Variants in TACC1 observed in about 807,000 individuals in gnomAD.
TACC1 encodes the protein transforming acidic coiled-coil-containing protein 1.
In TACC1, 48 loss-of-function variants were observed where a neutral mutation model predicts 84.4. The observed-to-expected ratio is 0.57, with a 90% CI of 0.45 to 0.72. The LOEUF is 0.72. TACC1 is among the 30% of genes least tolerant of loss of function. TACC1 has a pLI of 0.00. For missense variants in TACC1, 920 were observed against 973.0 expected, an observed-to-expected ratio of 0.95 and a Z score of 0.72; for synonymous variants, 372 against 376.3, an observed-to-expected ratio of 0.99 and a Z score of 0.13.
intron 2 of TACC1, among the ~76,000 whole-genome samples, chr8:38,796,433 A>G (rs1333556989): frequency 1.3e-5 from 2 of 152,242 alleles, no homozygotes; most frequent in African/African-American, 4.8e-5. Flanking sequence ...GGGGGAAAGC[A>G]TCGTCTTAAG....
At chr8:38,769,333 A>G (rs1394976306) in intron 3 of TACC1, among the ~76,000 whole-genome samples, 1 of 103,314 alleles carries the variant, frequency 9.7e-6, no homozygotes, top group Non-Finnish European at 1.9e-5. Flanking sequence ...GTATGTGTGT[A>G]ACTAGGTGTG....
intron 6 of TACC1, among the ~76,000 whole-genome samples, chr8:38,835,069 C>T (rs531852329): frequency 2.3e-4 from 35 of 152,128 alleles, no homozygotes; most frequent in South Asian, 6.2e-4. Context: ...CTGGCTAACA[C>T]GGTGAAACCC....
intron 2 of TACC1, among the ~76,000 whole-genome samples, chr8:38,796,166 A>G (rs559944028): frequency 3.9e-5 from 6 of 152,198 alleles, no homozygotes; most frequent in Admixed American, 3.3e-4. Context: ...TTTTATGACC[A>G]TGATTCTGCG....
intron 1 of TACC1, among the ~76,000 whole-genome samples, chr8:38,730,993 T>C (rs1347693606): frequency 1.3e-5 from 2 of 150,884 alleles, no homozygotes; most frequent in African/African-American, 5.0e-5. Flanking sequence ...ACAGTCCTAG[T>C]TCTAGCTCAC....
chr8:38,814,562 A>G (rs1211168679), intron 2 of TACC1, among the ~76,000 whole-genome samples: 2 of 152,212 alleles, frequency 1.3e-5, no homozygotes, highest in African/African-American at 2.4e-5. Flanking sequence ...TATACCATCT[A>G]GGTTTGTGTC....
rs1325114972 is a variant in TACC1, at chr8:38,849,104, T to C, written c.*1081T>C. ...TGAAGAAATGTTTTTTTCCCAAGTG[T>C]GATGCATTGTTCTTCAGATGTTGAA... On this transcript the variant is annotated 3_prime_UTR_variant, in exon 13 of 13. Coordinates refer to ENST00000317827, the MANE Select transcript of TACC1 (RefSeq NM_006283.3). 1.3e-5 allele frequency: 2 copies of C among 152,174 alleles called. No homozygotes were observed. Among genetic ancestry groups the C allele is most frequent in the South Asian group, 2.1e-4 (1 of 4,830 alleles). The allele number at this position is 152,174 out of a possible 1,614,324, so 9.4% of individuals were successfully genotyped here.
rs559243217 is a variant in TACC1 at position 38,817,588 on chromosome 8, G to A, written c.278-1934G>A. 1.7e-4 allele frequency among the ~76,000 whole-genome samples: 26 copies of A among 152,076 alleles called. 1 individual carries two copies. The highest frequency in any genetic ancestry group is 2.8e-4 in the Non-Finnish European group (19 of 68,010). ...TTTTTAAAAAATCCTTTTGAAATAT[G>A]TTAAACCAAATTCTGATTATGAAGC... On this transcript the variant is annotated intron_variant, in intron 2 of 12. Coordinates refer to ENST00000317827, the MANE Select transcript of TACC1 (RefSeq NM_006283.3).
chr8:38,759,380 A>G (rs1810758201), intron 3 of TACC1, among the ~76,000 whole-genome samples: 1 of 152,244 alleles, frequency 6.6e-6, no homozygotes, highest in Non-Finnish European at 1.5e-5. Flanking sequence ...TGTGTGGCCA[A>G]GTTTACTGTG....
intron 3 of TACC1, chr8:38,824,118 T>G: frequency 9.9e-6 from 10 of 1,011,774 alleles, no homozygotes; most frequent in Non-Finnish European, 1.3e-5. Context: ...TGTTTGCTTC[T>G]AATTCTGAGT....
intron 2 of TACC1, among the ~76,000 whole-genome samples, chr8:38,789,117 A>G (rs984717387): frequency 6.6e-6 from 1 of 152,212 alleles, no homozygotes; most frequent in Admixed American, 6.5e-5. Context: ...TCATGTTTAT[A>G]TTTGACTTCA....
At chr8:38,737,914 A>T (rs1394344424) in intron 1 of TACC1, among the ~76,000 whole-genome samples, 2 of 151,740 alleles carry the variant, frequency 1.3e-5, no homozygotes, top group African/African-American at 4.8e-5. Context: ...TTTAGTAGAG[A>T]TGGGGTTTCT....
At chr8:38,760,871 C>G (rs183638836) in intron 3 of TACC1, among the ~76,000 whole-genome samples, 141 of 152,236 alleles carry the variant, frequency 9.3e-4, no homozygotes, top group Non-Finnish European at 1.5e-3. Flanking sequence ...ATGGCCAGCA[C>G]TTAGTGAGTG....
chr8:38,739,679 A>G (rs537221125), intron 1 of TACC1, among the ~76,000 whole-genome samples: 14 of 152,330 alleles, frequency 9.2e-5, no homozygotes, highest in East Asian at 3.9e-4. Flanking sequence ...GTAAAGTTCT[A>G]TGTGTTTTGA....
chr8:38,747,395 C>T (rs1808272004), intron 3 of TACC1, among the ~76,000 whole-genome samples: 1 of 152,152 alleles, frequency 6.6e-6, no homozygotes, highest in South Asian at 2.1e-4. Flanking sequence ...CACACAAAAC[C>T]CTGCACATGG....
At chr8:38,821,148 T>A (rs1826702931) in intron 3 of TACC1, among the ~76,000 whole-genome samples, 1 of 151,300 alleles carries the variant, frequency 6.6e-6, no homozygotes, top group East Asian at 1.9e-4. Flanking sequence ...GAGGTTGCAG[T>A]GAGCCGAGAT....
intron 2 of TACC1, among the ~76,000 whole-genome samples, chr8:38,817,647 ATAGT>A (rs1227564373): frequency 6.6e-6 from 1 of 152,128 alleles, no homozygotes; most frequent in Non-Finnish European, 1.5e-5. Context: ...AGTATTAATA[ATAGT>A]TAAACATATA....
At chr8:38,783,790 TA>T (rs1816616781), upstream of TACC1, among the ~76,000 whole-genome samples, 1 of 152,272 alleles carries the variant, frequency 6.6e-6, no homozygotes, top group Non-Finnish European at 1.5e-5. Context: ...CTTCTCTTTA[TA>T]ATTTTCTGTA....
At chr8:38,827,102 G>A in intron 4 of TACC1, 66 bp from the exon 5 acceptor site, 3 of 1,413,426 alleles carry the variant, frequency 2.1e-6, no homozygotes, top group Non-Finnish European at 3.0e-6. Context: ...TTCCATTCAT[G>A]GGATGTCACT....
At chr8:38,782,779 T>C (rs115196049), upstream of TACC1, among the ~76,000 whole-genome samples, 4,527 of 152,280 alleles carry the variant, frequency 0.03, 217 homozygotes, top group African/African-American at 0.1. Context: ...AGTGGAGCTT[T>C]GTGTTTGTTT....
Sources: allele counts gnomAD v4.1 joint callset (sites outside exome capture counted in the v4.1 genomes callset), GRCh38; gene constraint gnomAD v4.1.1; transcripts MANE v1.5; gene names NCBI Gene and HGNC (gene_info 2026-07-23, HGNC 2026-07-21).